Variants in NMU observed in about 807,000 individuals in gnomAD.
The protein encoded by NMU is neuromedin U.
NMU carries 29 observed loss-of-function variants against 35.4 expected under a neutral mutation model. The observed-to-expected ratio is 0.82, with a 90% CI of 0.61 to 1.12. The LOEUF is 1.12. Ranked by LOEUF, NMU falls within the 50% of genes most tolerant of loss-of-function variation. NMU has a pLI of 0.00. For missense variants in NMU, 199 were observed against 206.2 expected (o/e 0.97, Z 0.21); for synonymous variants, 78 against 81.3 (o/e 0.96, Z 0.22).
chr4:55,603,459 C>T (rs1733509614), intron 7 of NMU, among the ~76,000 whole-genome samples: 1 of 151,990 alleles, frequency 6.6e-6, no homozygotes, highest in Admixed American at 6.6e-5. Context: ...CTTACTAATA[C>T]GATCTGGGGA....
rs561812900 is a variant in NMU at position 55,630,104 on chromosome 4, T to C, written c.171+298A>G. ...GATAGACAATATATTTCTGGATCTA[T>C]TAAAAAAATCCAATCTTAGAATCTC... On this transcript the variant is annotated intron_variant, in intron 2 of 9. Transcript: ENST00000264218. Among the ~76,000 whole-genome samples the C allele has an allele frequency of 2.0e-4, 31 of 152,234 alleles. No individual in the cohort carries two copies. The South Asian group carries it at 6.0e-3, about 30-fold the overall frequency.
chr4:55,603,563 G>C (rs985773987), intron 7 of NMU, among the ~76,000 whole-genome samples: 5 of 151,886 alleles, frequency 3.3e-5, no homozygotes, highest in Non-Finnish European at 7.4e-5. Flanking sequence ...GATAAAATGA[G>C]ATAATATAAG....
At chr4:55,626,723 A>G (rs1348544298) in intron 2 of NMU, among the ~76,000 whole-genome samples, 2 of 152,128 alleles carry the variant, frequency 1.3e-5, no homozygotes, top group Admixed American at 1.3e-4. Flanking sequence ...CAAAAACAAA[A>G]CAAACAAACA....
At chr4:55,636,340 G>C (rs944337467), upstream of NMU, 2 of 1,234,978 alleles carry the variant, frequency 1.6e-6, no homozygotes, top group Admixed American at 7.8e-5. This position sits in a 1 kb window ranked among gnomAD's most constrained non-coding sequence, Gnocchi z 4.0. Context: ...TCGCGCACAA[G>C]TGGGCTGGGC....
intron 2 of NMU, among the ~76,000 whole-genome samples, chr4:55,617,371 C>T (rs3811826): frequency 0.36 from 54,641 of 151,862 alleles, 10,224 homozygotes; most frequent in East Asian, 0.59. Flanking sequence ...CCTTTTTATC[C>T]TCACAGAACT....
At chr4:55,610,412 G>A (rs1243644215) in intron 3 of NMU, among the ~76,000 whole-genome samples, 4 of 151,312 alleles carry the variant, frequency 2.6e-5, no homozygotes, top group Admixed American at 6.6e-5. Context: ...GCAGTGAGCC[G>A]AGATCTCGAC....
intron 1 of NMU, among the ~76,000 whole-genome samples, chr4:55,633,168 C>CA (rs1461142319): frequency 6.6e-6 from 1 of 151,290 alleles, no homozygotes; most frequent in East Asian, 1.9e-4. Flanking sequence ...ACTAAAAATA[C>CA]AAAAAAATTA....
intron 2 of NMU, among the ~76,000 whole-genome samples, chr4:55,617,979 T>C (rs1393977299): frequency 6.6e-6 from 1 of 152,222 alleles, no homozygotes; most frequent in African/African-American, 2.4e-5. Flanking sequence ...GTCTTTGTTC[T>C]CATTTCTTTG....
rs1301341747 is a variant in NMU, at chr4:55,607,440, T to G, written c.306A>C (p.Lys102Asn). 1.9e-6 allele frequency: 2 copies of G among 1,051,316 alleles called. No individual in the cohort carries two copies. The highest frequency in any genetic ancestry group is 2.9e-6 in the Non-Finnish European group (2 of 688,178). The allele number at this position is 1,051,316 out of a possible 1,614,324, so 65.1% of individuals were successfully genotyped here. A position where few individuals can be genotyped will look rare whatever the true frequency, so the allele number is the denominator to read the frequency against. ...PQEQDEKDNT[K>N]RFLFHYSKTQ... ...AGATGTATGAAAATCATCTTACCCT[T>G]TTAGTATTATCTTTTTCATCTTGTT... The change falls in exon 5 of 10, where the codon AAA becomes AAC. Residue 102 changes from lysine to asparagine, a missense_variant. Physicochemically the swap from Lys to Asn is moderately conservative, Grantham distance 94. Coordinates refer to ENST00000264218, the MANE Select transcript of NMU (RefSeq NM_006681.4).
In NMU at chr4:55,603,927, ATATATAT is replaced by A. The variant is rs1229726332; in HGVS notation, c.435+1341_435+1347del. Among the ~76,000 whole-genome samples, 75 of 47,254 alleles carry A rather than the reference ATATATAT, an allele frequency of 1.6e-3. 8 individuals carry two copies. The highest frequency in any genetic ancestry group is 4.0e-3 in the African/African-American group (36 of 9,076). The allele number at this position is 47,254 out of a possible 152,430, so 31.0% of individuals were successfully genotyped here. A position where few individuals can be genotyped will look rare whatever the true frequency, so the allele number is the denominator to read the frequency against. On this transcript the variant is annotated intron_variant, in intron 7 of 9. Transcript: ENST00000264218. ...AGTCCGTCTCAAAAAAAAAAAAAAA[ATATATAT>A]ATATATATATATGTATATATGTGTA...
chr4:55,604,005 A>ATACACG lies in NMU; in HGVS notation c.435+1269_435+1270insCGTGTA, dbSNP rs754772422. Among the ~76,000 whole-genome samples, 5 of 46,316 alleles carry ATACACG rather than the reference A, an allele frequency of 1.1e-4. 2 individuals carry two copies. The highest frequency in any genetic ancestry group is 1.4e-4 in the Non-Finnish European group (3 of 21,856). 30.4% of individuals were successfully genotyped at this position (46,316 alleles called of 152,430 possible). On this transcript the variant is annotated intron_variant, in intron 7 of 9. Coordinates refer to ENST00000264218, the MANE Select transcript of NMU (RefSeq NM_006681.4). ...TATATGTGTATATATATACGTATAT[A>ATACACG]TGTATATATGTGTATATATATAATC... is the stretch of plus-strand genomic sequence containing the variant.
chr4:55,599,268 G>A, intron 8 of NMU, 87 bp from the exon 9 acceptor site: 1 of 1,045,288 alleles, frequency 9.6e-7, no homozygotes, highest in East Asian at 2.4e-5. Flanking sequence ...TTAGAGGAGT[G>A]TTTAACGTGC....
intron 3 of NMU, 45 bp downstream of exon 3, chr4:55,616,293 A>G: frequency 6.9e-7 from 1 of 1,451,806 alleles, no homozygotes; most frequent in Non-Finnish European, 9.7e-7. Flanking sequence ...TTTAAGCACT[A>G]CACAAACACC....
At chr4:55,630,885 A>G (rs966247789) in intron 1 of NMU, among the ~76,000 whole-genome samples, 1 of 152,180 alleles carries the variant, frequency 6.6e-6, no homozygotes, top group African/African-American at 2.4e-5. Flanking sequence ...AATACTAAGC[A>G]AAAAGAATAC....
At chr4:55,596,979 G>T (rs538695866) in intron 9 of NMU, among the ~76,000 whole-genome samples, 2 of 152,228 alleles carry the variant, frequency 1.3e-5, no homozygotes, top group South Asian at 4.1e-4. Context: ...TTTACCAAAA[G>T]CATCTGTTGA....
At chr4:55,629,611 G>A (rs1734676613) in intron 2 of NMU, among the ~76,000 whole-genome samples, 1 of 41,778 alleles carries the variant, frequency 2.4e-5, no homozygotes, top group Non-Finnish European at 4.2e-5. Context: ...GCAAGACCAT[G>A]TCTCAAAAAA....
chr4:55,628,481 CATTATT>C (rs111899620), intron 2 of NMU, among the ~76,000 whole-genome samples: 138,707 of 150,282 alleles, frequency 0.92, 64,716 homozygotes, highest in East Asian at 1. Flanking sequence ...TTATTTCTGC[CATTATT>C]ATTATTATTA....
intron 3 of NMU, among the ~76,000 whole-genome samples, chr4:55,612,980 A>G (rs1371779413): frequency 6.6e-6 from 1 of 152,222 alleles, no homozygotes; most frequent in African/African-American, 2.4e-5. Context: ...GCCATAAAAA[A>G]GAATGAGATC....
At chr4:55,633,764 C>A (rs753613994) in intron 1 of NMU, among the ~76,000 whole-genome samples, 1 of 152,168 alleles carries the variant, frequency 6.6e-6, no homozygotes, top group Non-Finnish European at 1.5e-5. Context: ...AGTGAGAAAT[C>A]GTTACTGCCA....
Sources: gnomAD v4.1 joint callset for allele counts (sites outside exome capture counted in the v4.1 genomes callset) on GRCh38, gnomAD v4.1.1 for gene constraint, Gnocchi (gnomAD v3.1) non-coding constraint, MANE v1.5 for transcripts, NCBI Gene and HGNC (gene_info 2026-07-23, HGNC 2026-07-21) for gene names.